The following FOXO1 variants were observed in gnomAD, a reference collection of about 807,000 sequenced individuals.
The protein encoded by FOXO1 is forkhead box O1.
A neutral mutation model predicts 44.1 loss-of-function variants in FOXO1; 6 were observed. The observed-to-expected ratio is 0.14, with a 90% CI of 0.07 to 0.27. The LOEUF (loss-of-function observed/expected upper bound fraction) is 0.27. Ranked by LOEUF, FOXO1 falls within the 10% of genes least tolerant of loss-of-function variation. FOXO1 has a pLI of 1.00. For synonymous variants in FOXO1, 380 were observed against 362.7 expected (o/e 1.05, Z -0.54); for missense variants, 737 against 888.8 (o/e 0.83, Z 2.17).
chr13:40,597,460 C>G (rs1248741644), intron 1 of FOXO1, among the ~76,000 whole-genome samples: 3 of 152,142 alleles, frequency 2.0e-5, no homozygotes, highest in African/African-American at 7.2e-5. Flanking sequence ...GCCCAAGGCC[C>G]TTTTTTATCA....
In FOXO1 at chr13:40,639,560, G is replaced by A. The variant is rs1877281160; in HGVS notation, c.630+26023C>T. ...ACTAATTTTGTCTAGAGCAGGGAGG[G>A]TTTCACAACTTCAGCACTACTGACA... On this transcript the variant is annotated intron_variant, in intron 1 of 2. Transcript: ENST00000379561. Among the ~76,000 whole-genome samples the A allele has an allele frequency of 2.6e-5, 4 of 152,342 alleles. No individual in the cohort carries two copies. In the South Asian group the frequency reaches 6.2e-4, roughly 24 times the overall value.
intron 1 of FOXO1, among the ~76,000 whole-genome samples, chr13:40,615,669 C>T (rs1252257484): frequency 6.6e-6 from 1 of 152,146 alleles, no homozygotes; most frequent in Non-Finnish European, 1.5e-5. Flanking sequence ...GAAAAGGTGA[C>T]ATCTGAGTGA....
At chr13:40,636,038 T>C (rs1566081473) in intron 1 of FOXO1, among the ~76,000 whole-genome samples, 1 of 152,082 alleles carries the variant, frequency 6.6e-6, no homozygotes, top group Non-Finnish European at 1.5e-5. Flanking sequence ...GATGAAACCC[T>C]GTCTGTACTA....
intron 1 of FOXO1, among the ~76,000 whole-genome samples, chr13:40,651,708 T>C (rs1566085589): frequency 6.6e-6 from 1 of 151,074 alleles, no homozygotes; most frequent in Non-Finnish European, 1.5e-5. Flanking sequence ...TACATCTAAA[T>C]ATACATCATA....
chr13:40,559,051 A>G lies in FOXO1; in HGVS notation c.*15-17T>C. 1 of 398,038 alleles carries G rather than the reference A, an allele frequency of 2.5e-6. No individual in the cohort carries two copies. Among genetic ancestry groups the G allele is most frequent in the Non-Finnish European group, 4.4e-6 (1 of 225,914 alleles). The allele number at this position is 398,038 out of a possible 1,614,324, so 24.7% of individuals were successfully genotyped here. The stretch of plus-strand genomic sequence containing the variant: ...AAGTGTAACCTAGGAAAAAACACAT[A>G]CATACGCACACACACATACACACAC... On this transcript the variant is annotated splice_polypyrimidine_tract_variant and intron_variant, in intron 2 of 2. Transcript: ENST00000379561.
At chr13:40,625,381 C>T (rs894913837) in intron 1 of FOXO1, among the ~76,000 whole-genome samples, 1 of 152,150 alleles carries the variant, frequency 6.6e-6, no homozygotes, top group African/African-American at 2.4e-5. Context: ...TTTTATACTG[C>T]TTGTGGTCTC....
At chr13:40,581,834 A>G (rs963087326) in intron 1 of FOXO1, among the ~76,000 whole-genome samples, 5 of 152,236 alleles carry the variant, frequency 3.3e-5, no homozygotes, top group Non-Finnish European at 7.3e-5. Context: ...CTTAAATGAT[A>G]ACATTTATGT....
At chr13:40,619,446 T>G in intron 1 of FOXO1, 1 of 1,196,326 alleles carries the variant, frequency 8.4e-7, no homozygotes, top group Non-Finnish European at 1.2e-6. Flanking sequence ...GGAATCAAAA[T>G]TGGAGAGCTG....
At position 40,595,118 on chromosome 13, in the gene FOXO1, G is replaced by A. The variant is rs113011216; in HGVS notation, c.631-34258C>T. Reference sequence around the variant, plus strand: ...CTTCACATTGCAAATGAAATACAACGTAAACAGAAAAAACTGAGATGGAGC... The same window carrying A: ...CTTCACATTGCAAATGAAATACAACATAAACAGAAAAAACTGAGATGGAGC... On this transcript the variant is annotated intron_variant, in intron 1 of 2. Coordinates refer to ENST00000379561, the MANE Select transcript of FOXO1 (RefSeq NM_002015.4). 2.6e-4 allele frequency among the ~76,000 whole-genome samples: 40 copies of A among 152,244 alleles called. 1 individual carries two copies. Among genetic ancestry groups the A allele is most frequent in the African/African-American group, 8.7e-4 (36 of 41,530 alleles).
chr13:40,636,449 T>A (rs977156611), intron 1 of FOXO1, among the ~76,000 whole-genome samples: 3 of 151,928 alleles, frequency 2.0e-5, no homozygotes, highest in Non-Finnish European at 4.4e-5. Flanking sequence ...ATGAGAGGAC[T>A]GCTTGAGGCC....
intron 1 of FOXO1, among the ~76,000 whole-genome samples, chr13:40,572,758 G>C (rs577269468): frequency 1.3e-5 from 2 of 152,138 alleles, no homozygotes; most frequent in African/African-American, 4.8e-5. Context: ...CCCAAGTCAG[G>C]GCTGTGGCCC....
chr13:40,626,360 G>A (rs1046082218), intron 1 of FOXO1, among the ~76,000 whole-genome samples: 1 of 152,184 alleles, frequency 6.6e-6, no homozygotes, highest in Admixed American at 6.5e-5. Flanking sequence ...TTTAAAATAA[G>A]TGATAAACAG....
rs1044157892 is a variant in FOXO1, at chr13:40,583,319, T to C, written c.631-22459A>G. 2.0e-5 allele frequency among the ~76,000 whole-genome samples: 3 copies of C among 152,298 alleles called. No homozygotes were observed. In the South Asian group the frequency reaches 6.2e-4, roughly 32 times the overall value. On this transcript the variant is annotated intron_variant, in intron 1 of 2. Transcript: ENST00000379561. ...AAGGGCACTAGAATTTTCTGAATGGTCCATGAGCATTGGCTTCAACTTCAA... is the reference window on the plus strand; with the variant it reads ...AAGGGCACTAGAATTTTCTGAATGGCCCATGAGCATTGGCTTCAACTTCAA...
intron 1 of FOXO1, among the ~76,000 whole-genome samples, chr13:40,610,253 TTA>T (rs1353493329): frequency 6.6e-6 from 1 of 152,106 alleles, no homozygotes; most frequent in African/African-American, 2.4e-5. Flanking sequence ...AACAACCTAT[TTA>T]TATATGTCTA....
intron 1 of FOXO1, among the ~76,000 whole-genome samples, chr13:40,570,264 C>T (rs948127449): frequency 2.0e-5 from 3 of 151,370 alleles, no homozygotes; most frequent in Non-Finnish European, 4.4e-5. Flanking sequence ...AAGCCAAGAT[C>T]GCGCCACTGC....
chr13:40,633,325 CATT>C (rs1309829944), intron 1 of FOXO1, among the ~76,000 whole-genome samples: 1 of 152,120 alleles, frequency 6.6e-6, no homozygotes, highest in Admixed American at 6.6e-5. Context: ...ATAATCAAAA[CATT>C]ATTAATAACA....
intron 1 of FOXO1, among the ~76,000 whole-genome samples, chr13:40,641,252 AC>A (rs1877342754): frequency 6.6e-6 from 1 of 152,108 alleles, no homozygotes; most frequent in Admixed American, 6.6e-5. Context: ...TGGTGAGGAA[AC>A]CACAGGCAAC....
chr13:40,612,624 T>G (rs778702550), intron 1 of FOXO1, among the ~76,000 whole-genome samples: 4 of 152,240 alleles, frequency 2.6e-5, no homozygotes, highest in African/African-American at 9.6e-5. Flanking sequence ...GTCAATTCCA[T>G]GTACAGTAGT....
Position 40,558,906 on chromosome 13 carries a change from A to C in FOXO1, c.*143T>G, listed in dbSNP as rs1873862725. The C allele has an allele frequency of 2.5e-6, 1 of 392,282 alleles. No individual in the cohort carries two copies. The highest frequency in any genetic ancestry group is 4.6e-5 in the Admixed American group (1 of 21,684). The allele number at this position is 392,282 out of a possible 1,614,324, so 24.3% of individuals were successfully genotyped here. The stretch of plus-strand genomic sequence containing the variant: ...TTGCTGCCAAGTCTGACGAAAGGAA[A>C]AAAGGAGGGTTTTTTTTTTTGTTTT... On this transcript the variant is annotated 3_prime_UTR_variant, in exon 3 of 3. Transcript: ENST00000379561.
Sources: gnomAD v4.1 joint callset for allele counts (sites outside exome capture counted in the v4.1 genomes callset) on GRCh38, gnomAD v4.1.1 for gene constraint, MANE v1.5 for transcripts, NCBI Gene and HGNC (gene_info 2026-07-23, HGNC 2026-07-21) for gene names.